VPS8: variants seen among roughly 807,000 people sequenced by gnomAD.
The protein encoded by VPS8 is VPS8 subunit of CORVET complex.
In VPS8, 129 loss-of-function variants were observed where a neutral mutation model predicts 216.4. The observed-to-expected ratio is 0.60, with a 90% confidence interval of 0.52 to 0.69. The LOEUF is 0.69. Among genes scored for constraint, VPS8 ranks in the 30% least tolerant of loss-of-function variants. The pLI is 0.00. For synonymous variants in VPS8, 571 were observed against 565.4 expected (o/e 1.01, Z -0.14); for missense variants, 1,531 against 1,683.5 (o/e 0.91, Z 1.59).
Position 185,048,190 on chromosome 3 carries a change from A to G in VPS8, c.4057-289A>G, listed in dbSNP as rs537066381. ...TAACTAGCTCTGCATAATGGTGCCA[A>G]AGAGGGATCAAGAAACCTGAAAGGA... On this transcript the variant is annotated intron_variant, in intron 46 of 47. Transcript: ENST00000625842. 1.2e-4 allele frequency among the ~76,000 whole-genome samples: 19 copies of G among 152,322 alleles called. 2 individuals carry two copies. The South Asian group carries it at 3.3e-3, about 27-fold the overall frequency.
chr3:184,998,326 A>C (rs917423366), intron 44 of VPS8, among the ~76,000 whole-genome samples: 3 of 152,090 alleles, frequency 2.0e-5, no homozygotes, highest in African/African-American at 4.8e-5. Flanking sequence ...GTAGTAGCCC[A>C]TGTGAGAGAT....
intron 37 of VPS8, among the ~76,000 whole-genome samples, chr3:184,963,715 A>G (rs935991877): frequency 6.6e-6 from 1 of 152,148 alleles, no homozygotes; most frequent in African/African-American, 2.4e-5. Context: ...AAAAGGGAAC[A>G]TATCTAATAT....
chr3:185,024,353 G>A lies in VPS8; in HGVS notation c.4020G>A (p.Ser1340=), dbSNP rs772980453. 124 of 1,596,466 alleles carry A rather than the reference G, an allele frequency of 7.8e-5. 2 individuals carry two copies. Among genetic ancestry groups the A allele is most frequent in the African/African-American group, 2.5e-4 (19 of 74,690 alleles). The change falls in exon 46 of 48, where the codon TCG becomes TCA. Residue 1340 remains serine, a synonymous_variant. Coordinates refer to ENST00000625842, the MANE Select transcript of VPS8 (RefSeq NM_001009921.3). ...TTTTCCAGGTAAAAATGTCTCCATCGTATCATCAGTCCAAAGGGGATCCCA... is the reference window on the plus strand; with the variant it reads ...TTTTCCAGGTAAAAATGTCTCCATCATATCATCAGTCCAAAGGGGATCCCA... ...ITPSQVKMSP[S]YHQSKGDPTA...
At chr3:184,880,070 T>G (rs1196516641) in intron 21 of VPS8, among the ~76,000 whole-genome samples, 1 of 152,194 alleles carries the variant, frequency 6.6e-6, no homozygotes. Context: ...ATAAAAAGTA[T>G]GTGTATTTGG....
intron 37 of VPS8, among the ~76,000 whole-genome samples, chr3:184,963,891 T>C (rs1746958035): frequency 6.6e-6 from 1 of 152,092 alleles, no homozygotes; most frequent in Non-Finnish European, 1.5e-5. Flanking sequence ...TTTTTTCCTT[T>C]GTTCTGTTAA....
intron 42 of VPS8, among the ~76,000 whole-genome samples, chr3:184,990,087 A>C (rs918206776): frequency 2.0e-5 from 3 of 152,118 alleles, no homozygotes; most frequent in Non-Finnish European, 4.4e-5. Context: ...AAAAGAAAAA[A>C]GAAAAGTGTT....
rs1166156497 is a variant in VPS8, at chr3:184,957,435, A to G, written c.3097A>G (p.Ile1033Val). ...QISPCITEQF[I>V]ELLCQFNPTQ... is the part of the protein sequence containing the mutation. ...ATCTCCTTGTATCACAGAGCAGTTC[A>G]TTGAGCTGTTGTGTCAGTTCAACCC... Residue 1033 changes from isoleucine to valine, a missense_variant, in exon 37 of 48, where the codon ATT becomes GTT. By Grantham distance (29) the Ile-to-Val change is conservative. Transcript: ENST00000625842. 26 of 1,612,694 alleles carry G rather than the reference A, an allele frequency of 1.6e-5. No individual in the cohort carries two copies. The highest frequency in any genetic ancestry group is 1.3e-4 in the South Asian group (12 of 90,782).
chr3:185,007,714 A>T (rs1451377434), intron 45 of VPS8, among the ~76,000 whole-genome samples: 3 of 151,914 alleles, frequency 2.0e-5, no homozygotes, highest in Non-Finnish European at 1.5e-5. Context: ...TTTCCCCACT[A>T]CTTGGAATTG....
At chr3:185,031,181 G>A (rs1758118268) in intron 46 of VPS8, among the ~76,000 whole-genome samples, 1 of 150,406 alleles carries the variant, frequency 6.6e-6, no homozygotes, top group East Asian at 2.0e-4. Context: ...AGAATGGCTG[G>A]TTGATAGTTT....
intron 45 of VPS8, among the ~76,000 whole-genome samples, chr3:185,005,871 C>T (rs527667241): frequency 3.5e-4 from 53 of 152,072 alleles, no homozygotes; most frequent in Non-Finnish European, 6.3e-4. Flanking sequence ...TCCTTTTTAC[C>T]GATTGGGTGT....
Position 184,940,199 on chromosome 3 carries a change from C to T in VPS8, c.2991C>T (p.Asn997=), listed in dbSNP as rs886723305. Residue 997 remains asparagine (N), a splice_region_variant and synonymous_variant, in exon 36 of 48, where the codon AAC becomes AAT. Coordinates refer to ENST00000625842, the MANE Select transcript of VPS8 (RefSeq NM_001009921.3). ...HIETVIKKLQ[N]QVLLFKFLRS... is the part of the protein sequence containing the mutation. The stretch of plus-strand genomic sequence containing the variant: ...ATTTTTATTGTTTTTCTGTTCAGAA[C>T]CAGGTTTTGCTTTTCAAATTTTTGA... The T allele has an allele frequency of 8.0e-6, 12 of 1,494,568 alleles. No individual in the cohort carries two copies. The highest frequency in any genetic ancestry group is 9.9e-6 in the Non-Finnish European group (11 of 1,114,974). The allele number at this position is 1,494,568 out of a possible 1,614,324, so 92.6% of individuals were successfully genotyped here.
intron 36 of VPS8, among the ~76,000 whole-genome samples, chr3:184,944,064 A>AC (rs1743237286): frequency 5.5e-5 from 8 of 144,756 alleles, no homozygotes; most frequent in Non-Finnish European, 1.1e-4. Context: ...CACACACACA[A>AC]ACAAACATTT....
At chr3:184,922,592 C>T in intron 29 of VPS8, 1 of 320,318 alleles carries the variant, frequency 3.1e-6, no homozygotes, top group South Asian at 2.6e-5. Context: ...TGGTGACTTG[C>T]CATTCTTGTA....
At chr3:184,852,131 C>T (rs1173884595) in intron 10 of VPS8, among the ~76,000 whole-genome samples, 1 of 152,126 alleles carries the variant, frequency 6.6e-6, no homozygotes, top group Non-Finnish European at 1.5e-5. Context: ...TTCTTTAAAA[C>T]TGGGCAGGTG....
At chr3:185,014,573 G>A (rs1467812910) in intron 45 of VPS8, among the ~76,000 whole-genome samples, 2 of 152,188 alleles carry the variant, frequency 1.3e-5, no homozygotes, top group South Asian at 2.1e-4. Context: ...TGTCTTTGCA[G>A]CTGGTTTCTG....
chr3:184,982,740 T>C, intron 41 of VPS8, 93 bp downstream of exon 41: 2 of 1,041,660 alleles, frequency 1.9e-6, no homozygotes, highest in Non-Finnish European at 2.8e-6. Flanking sequence ...CTTTTTCCAA[T>C]AGCATATTCT....
At position 184,926,646 on chromosome 3, in the gene VPS8, A is replaced by G. The variant is rs766946729; in HGVS notation, c.2627A>G (p.Gln876Arg). 6.2e-7 allele frequency: 1 copy of G among 1,604,262 alleles called. No individual in the cohort carries two copies. The highest frequency in any genetic ancestry group is 1.1e-5 in the South Asian group (1 of 88,802). The change falls in exon 31 of 48, where the codon CAG becomes CGG. Residue 876 changes from glutamine to arginine, a missense_variant. By Grantham distance (43) the Gln-to-Arg change is conservative. Transcript: ENST00000625842. Reference protein sequence around the residue: ...PDDDSRHSERQQVLLELLQAG... With the variant: ...PDDDSRHSERRQVLLELLQAG... ...GATGACTCCCGACACTCTGAAAGACAGCAGGTATGAACTACTAGAACTCTT... is the reference window on the plus strand; with the variant it reads ...GATGACTCCCGACACTCTGAAAGACGGCAGGTATGAACTACTAGAACTCTT...
At chr3:185,019,217 T>C (rs1447702509) in intron 45 of VPS8, among the ~76,000 whole-genome samples, 2 of 152,114 alleles carry the variant, frequency 1.3e-5, no homozygotes, top group African/African-American at 4.8e-5. Context: ...TCCTCCAGCT[T>C]AGTTCCACGT....
intron 23 of VPS8, 58 bp from the exon 24 acceptor site, chr3:184,898,507 T>G: frequency 7.6e-7 from 1 of 1,320,604 alleles, no homozygotes; most frequent in Non-Finnish European, 1.1e-6. Flanking sequence ...TCTTAAAGCA[T>G]TAAGGAAAAT....
Sources: allele counts gnomAD v4.1 joint callset (sites outside exome capture counted in the v4.1 genomes callset), GRCh38; gene constraint gnomAD v4.1.1; transcripts MANE v1.5; gene names NCBI Gene and HGNC (gene_info 2026-07-23, HGNC 2026-07-21).